The following PRSS55 variants were observed in gnomAD, a reference collection of about 807,000 sequenced individuals.
PRSS55 encodes the protein probable serine protease UNQ9391/PRO34284.
In PRSS55, 41 loss-of-function variants were observed where a neutral mutation model predicts 23.6. The ratio of observed to expected loss-of-function variants is 1.74; its 90% CI spans 1.35 to 2.26. The LOEUF (loss-of-function observed/expected upper bound fraction) is 2.26. PRSS55 is among the 30% of genes most tolerant of loss of function. PRSS55 has a pLI of 0.00. For missense variants in PRSS55, 669 were observed against 439.1 expected, an observed-to-expected ratio of 1.52 and a Z score of -4.68; for synonymous variants, 262 against 175.5, an observed-to-expected ratio of 1.49 and a Z score of -3.90.
At chr8:10,549,493 C>A (rs930416747) in intron 4 of PRSS55, among the ~76,000 whole-genome samples, 1 of 152,206 alleles carries the variant, frequency 6.6e-6, no homozygotes, top group African/African-American at 2.4e-5. Context: ...CCACGTACAG[C>A]CTGTGTCCAG....
intron 4 of PRSS55, among the ~76,000 whole-genome samples, chr8:10,549,272 G>T (rs745982351): frequency 6.6e-6 from 1 of 152,216 alleles, no homozygotes; most frequent in Admixed American, 6.5e-5. Flanking sequence ...AGCCACTGAA[G>T]AGGCTTGAGC....
At chr8:10,536,010 C>T (rs1015220288) in intron 4 of PRSS55, among the ~76,000 whole-genome samples, 6 of 152,136 alleles carry the variant, frequency 3.9e-5, no homozygotes, top group African/African-American at 9.7e-5. Flanking sequence ...CACGGTGAAA[C>T]CCCGTCTCTA....
chr8:10,528,945 T>A (rs1812140219), intron 1 of PRSS55, among the ~76,000 whole-genome samples: 1 of 152,166 alleles, frequency 6.6e-6, no homozygotes, highest in Non-Finnish European at 1.5e-5. Context: ...CACTTCTCCC[T>A]CTGCCTGACT....
chr8:10,551,708 G>A (rs975567003), intron 4 of PRSS55, among the ~76,000 whole-genome samples: 5 of 152,172 alleles, frequency 3.3e-5, no homozygotes, highest in East Asian at 1.9e-4. Context: ...CCATCTGCAC[G>A]GGCTCTGAGA....
intron 4 of PRSS55, among the ~76,000 whole-genome samples, chr8:10,533,895 T>A (rs1392614847): frequency 6.6e-6 from 1 of 152,064 alleles, no homozygotes; most frequent in Non-Finnish European, 1.5e-5. Flanking sequence ...GTGAGAAAAT[T>A]GGTAGTTTTC....
intron 2 of PRSS55, 40 bp downstream of exon 2, chr8:10,529,739 C>A (rs762548687): frequency 6.3e-7 from 1 of 1,582,042 alleles, no homozygotes; most frequent in South Asian, 1.2e-5. Flanking sequence ...TCTCAGGGCG[C>A]CCACCCCTGG....
At chr8:10,530,695 C>G (rs1169515671) in intron 2 of PRSS55, among the ~76,000 whole-genome samples, 2 of 152,104 alleles carry the variant, frequency 1.3e-5, no homozygotes, top group Non-Finnish European at 2.9e-5. Context: ...AGTTTGAAGA[C>G]ACACACACTG....
chr8:10,531,660 T>C (rs1190516730), intron 3 of PRSS55, 115 bp downstream of exon 3: 2 of 1,448,536 alleles, frequency 1.4e-6, no homozygotes, highest in Non-Finnish European at 1.8e-6. Flanking sequence ...TCCCGCTCAG[T>C]GGAGTCTCAC....
downstream of PRSS55, among the ~76,000 whole-genome samples, chr8:10,539,000 C>G (rs939563273): frequency 1.3e-5 from 2 of 151,506 alleles, no homozygotes; most frequent in African/African-American, 4.9e-5. Flanking sequence ...GTGACAGTCA[C>G]CTAATTCTGA....
chr8:10,552,647 A>G (rs1391210025), intron 4 of PRSS55, among the ~76,000 whole-genome samples: 1 of 152,244 alleles, frequency 6.6e-6, no homozygotes, highest in East Asian at 1.9e-4. Context: ...AAGAAGACAC[A>G]TAAGTGGCTA....
At chr8:10,547,734 C>T (rs913240559) in intron 4 of PRSS55, 1 of 140,290 alleles carries the variant, frequency 7.1e-6, no homozygotes, top group Non-Finnish European at 1.6e-5. Flanking sequence ...CCCCCACCCC[C>T]CGCCCCGCCC....
In PRSS55 at chr8:10,529,670, GGCTCACT is replaced by G; in HGVS notation, c.322_328del (p.His108TyrfsTer11). ...TCAACAAGTGGTGGATTCTCACTGC[GGCTCACT>G]GCTTATATTCCGAGGAGCTGTTGTA... On this transcript the variant is annotated frameshift_variant, in exon 2 of 5. Transcript: ENST00000328655. LOFTEE classifies it high-confidence loss of function. 1 of 1,614,110 alleles carries G rather than the reference GGCTCACT, an allele frequency of 6.2e-7. No homozygotes were observed. The highest frequency in any genetic ancestry group is 8.5e-7 in the Non-Finnish European group (1 of 1,179,990).
At chr8:10,534,808 T>C (rs1025718239) in intron 4 of PRSS55, among the ~76,000 whole-genome samples, 2 of 152,236 alleles carry the variant, frequency 1.3e-5, no homozygotes, top group East Asian at 3.8e-4. Flanking sequence ...GTTCTATACC[T>C]GGAAAACCCC....
chr8:10,553,825 A>G, intron 4 of PRSS55: 1 of 628,808 alleles, frequency 1.6e-6, no homozygotes, highest in African/African-American at 1.8e-5. Flanking sequence ...GGTGATGGAT[A>G]TGTTAATTAG....
At chr8:10,542,375 G>A (rs890213863), downstream of PRSS55, among the ~76,000 whole-genome samples, 14 of 141,672 alleles carry the variant, frequency 9.9e-5, no homozygotes, top group Non-Finnish European at 1.8e-4. Context: ...CGTAATAAAT[G>A]CAATTGTTAG....
exon 5 of PRSS55, chr8:10,554,114 G>A: frequency 1.1e-6 from 1 of 882,974 alleles, no homozygotes; most frequent in East Asian, 2.7e-5. Flanking sequence ...GAAAATCTTT[G>A]AGGGTGTTTT....
At chr8:10,539,398 T>C (rs893319837), downstream of PRSS55, among the ~76,000 whole-genome samples, 1 of 152,268 alleles carries the variant, frequency 6.6e-6, no homozygotes, top group African/African-American at 2.4e-5. Context: ...CTTCACATGG[T>C]GTTTTACATT....
chr8:10,537,364 A>C (rs903000958), intron 4 of PRSS55, among the ~76,000 whole-genome samples: 8 of 152,252 alleles, frequency 5.3e-5, no homozygotes, highest in Non-Finnish European at 1.0e-4. Flanking sequence ...AAGTAAAATA[A>C]GCCAGGTACA....
rs141634574 is a variant in PRSS55, at chr8:10,530,837, T to G, written c.348-458T>G. Among the ~76,000 whole-genome samples, 829 of 152,314 alleles carry G rather than the reference T, an allele frequency of 5.4e-3. 8 individuals carry two copies. The highest frequency in any genetic ancestry group is 0.019 in the African/African-American group (788 of 41,560). On this transcript the variant is annotated intron_variant, in intron 2 of 4. Transcript: ENST00000328655. ...AATGTGGGCTTATTACTGAAGATCCTGTCTGCTTGGTCAGTGGCAGGTCTA... is the reference window on the plus strand; with the variant it reads ...AATGTGGGCTTATTACTGAAGATCCGGTCTGCTTGGTCAGTGGCAGGTCTA...
Sources: allele counts gnomAD v4.1 joint callset (sites outside exome capture counted in the v4.1 genomes callset), GRCh38; gene constraint gnomAD v4.1.1; transcripts MANE v1.5; gene names NCBI Gene and HGNC (gene_info 2026-07-23, HGNC 2026-07-21).